Variants in CLOCK observed in about 807,000 individuals in gnomAD.
CLOCK encodes circadian locomoter output cycles protein kaput.
In CLOCK, 43 loss-of-function variants were observed where a neutral mutation model predicts 118.4. The observed-to-expected ratio is 0.36, with a 90% confidence interval of 0.28 to 0.47. CLOCK has a LOEUF of 0.47. Ranked by LOEUF, CLOCK falls within the 20% of genes least tolerant of loss-of-function variation. The pLI is 1.00. For missense variants in CLOCK, 846 were observed against 999.9 expected (o/e 0.85, Z 2.08); for synonymous variants, 326 against 339.2 (o/e 0.96, Z 0.43).
At chr4:55,445,776 T>G (rs945568652) in intron 18 of CLOCK, among the ~76,000 whole-genome samples, 2 of 151,040 alleles carry the variant, frequency 1.3e-5, no homozygotes, top group African/African-American at 4.9e-5. Flanking sequence ...TGTATTTTCT[T>G]GTAAAAATAG....
chr4:55,511,031 G>T (rs929993243), intron 1 of CLOCK, among the ~76,000 whole-genome samples: 2 of 152,166 alleles, frequency 1.3e-5, no homozygotes, highest in African/African-American at 4.8e-5. Flanking sequence ...AGGAATTTCA[G>T]GGGACCTTTG....
chr4:55,439,471 T>G (rs1222777135), intron 21 of CLOCK, among the ~76,000 whole-genome samples: 1 of 152,116 alleles, frequency 6.6e-6, no homozygotes, highest in Non-Finnish European at 1.5e-5. Context: ...CTCAAAAAAT[T>G]CACTATAGGA....
At chr4:55,448,321 A>G (rs1229166033) in intron 18 of CLOCK, among the ~76,000 whole-genome samples, 1 of 152,176 alleles carries the variant, frequency 6.6e-6, no homozygotes, top group Non-Finnish European at 1.5e-5. Flanking sequence ...TCATAGGAGG[A>G]ACAAAATGAA....
chr4:55,442,709 TTCTAACAA>T, intron 20 of CLOCK, 75 bp from the exon 21 acceptor site: 1 of 1,255,064 alleles, frequency 8.0e-7, no homozygotes, highest in Non-Finnish European at 1.1e-6. Flanking sequence ...GAATTCATCA[TTCTAACAA>T]TATGACAATA....
At chr4:55,479,989 T>G (rs1031003419) in intron 4 of CLOCK, among the ~76,000 whole-genome samples, 1 of 152,194 alleles carries the variant, frequency 6.6e-6, no homozygotes, top group African/African-American at 2.4e-5. Flanking sequence ...TTCAAACTTT[T>G]AGTAACGGTA....
chr4:55,527,904 G>A (rs144819913), intron 1 of CLOCK, among the ~76,000 whole-genome samples: 2 of 152,026 alleles, frequency 1.3e-5, no homozygotes, highest in African/African-American at 4.8e-5. Context: ...AATTAGCTGG[G>A]CATAGTGGCA....
At position 55,487,909 on chromosome 4, in the gene CLOCK, G is replaced by A. The variant is rs141768389; in HGVS notation, c.-44+1465C>T. 2.6e-3 allele frequency among the ~76,000 whole-genome samples: 400 copies of A among 152,252 alleles called. 2 individuals carry two copies. The highest frequency in any genetic ancestry group is 9.2e-3 in the African/African-American group (382 of 41,546). ...GTTTCTTCTCCATTCTCTCTGTCCT[G>A]TTATGTCTTTCGTAAAAATCTTCTT... On this transcript the variant is annotated intron_variant, in intron 3 of 22. Coordinates refer to ENST00000513440, the MANE Select transcript of CLOCK (RefSeq NM_004898.4).
rs1240008967 is a variant in CLOCK at position 55,449,492 on chromosome 4, T to C, written c.1353A>G (p.Thr451=). The C allele has an allele frequency of 6.2e-7, 1 of 1,613,990 alleles. No homozygotes were observed. The highest frequency in any genetic ancestry group is 1.7e-5 in the Admixed American group (1 of 60,024). Residue 451 remains threonine (T), a synonymous_variant, in exon 17 of 23, where the codon ACA becomes ACG. Coordinates refer to ENST00000513440, the MANE Select transcript of CLOCK (RefSeq NM_004898.4). ...SHTAVSDPSS[T]PTKIPTDTST... is the part of the protein sequence containing the mutation. ...TCGTATCCGTCGGGATCTTGGTTGGTGTTGCTGAAGTCAACAAAATCAGAA... is the reference window on the plus strand; with the variant it reads ...TCGTATCCGTCGGGATCTTGGTTGGCGTTGCTGAAGTCAACAAAATCAGAA...
Position 55,440,084 on chromosome 4 carries a change from G to C in CLOCK, c.2106-1547C>G, listed in dbSNP as rs183724329. ...AAATTACTAGGTACTAGGGGTGTCAGATATATGTGGCACATGATTCATCTG... is the reference window on the plus strand; with the variant it reads ...AAATTACTAGGTACTAGGGGTGTCACATATATGTGGCACATGATTCATCTG... On this transcript the variant is annotated intron_variant, in intron 21 of 22. Transcript: ENST00000513440. Among the ~76,000 whole-genome samples the C allele has an allele frequency of 6.2e-4, 95 of 152,110 alleles. 1 individual carries two copies. The highest frequency in any genetic ancestry group is 1.2e-3 in the Admixed American group (18 of 15,282).
At chr4:55,515,161 G>A (rs796916500) in intron 1 of CLOCK, among the ~76,000 whole-genome samples, 5 of 152,094 alleles carry the variant, frequency 3.3e-5, no homozygotes, top group African/African-American at 1.2e-4. Context: ...TATCAAATTC[G>A]TGGGCACAGA....
intron 1 of CLOCK, among the ~76,000 whole-genome samples, chr4:55,525,468 T>C (rs1183022793): frequency 1.3e-5 from 2 of 152,064 alleles, no homozygotes; most frequent in Non-Finnish European, 2.9e-5. Flanking sequence ...GAGCAAGACC[T>C]TGTCTCTAAA....
intron 1 of CLOCK, among the ~76,000 whole-genome samples, chr4:55,535,434 G>C (rs7659095): frequency 2.6e-5 from 4 of 152,048 alleles, no homozygotes; most frequent in South Asian, 4.1e-4. Flanking sequence ...GCGCCAGCTA[G>C]AGTGGCTCAT....
chr4:55,461,855 C>T (rs1287612753), intron 9 of CLOCK, among the ~76,000 whole-genome samples: 1 of 152,174 alleles, frequency 6.6e-6, no homozygotes, highest in Admixed American at 6.5e-5. Context: ...CCTTCACTGG[C>T]TCTCTACTCT....
intron 1 of CLOCK, among the ~76,000 whole-genome samples, chr4:55,510,274 G>A (rs1435564282): frequency 3.3e-5 from 5 of 152,248 alleles, no homozygotes; most frequent in East Asian, 1.9e-4. Context: ...GAAAAATCAC[G>A]ATGGTGTGAA....
intron 1 of CLOCK, among the ~76,000 whole-genome samples, chr4:55,521,176 T>G (rs541383696): frequency 3.9e-5 from 6 of 152,246 alleles, no homozygotes; most frequent in Non-Finnish European, 8.8e-5. Context: ...ACTACAGTAA[T>G]TTGTGTCCCT....
At chr4:55,522,585 T>C (rs1166198168) in intron 1 of CLOCK, among the ~76,000 whole-genome samples, 1 of 151,192 alleles carries the variant, frequency 6.6e-6, no homozygotes, top group African/African-American at 2.4e-5. Context: ...GTTGGAAAAA[T>C]AGGTAACTTA....
At chr4:55,527,937 T>C (rs1730310497) in intron 1 of CLOCK, among the ~76,000 whole-genome samples, 1 of 151,962 alleles carries the variant, frequency 6.6e-6, no homozygotes, top group Non-Finnish European at 1.5e-5. Context: ...CTCAGTACTT[T>C]TGGAAGACCA....
intron 1 of CLOCK, among the ~76,000 whole-genome samples, chr4:55,541,997 G>A (rs1469144721): frequency 1.3e-5 from 2 of 148,822 alleles, no homozygotes; most frequent in African/African-American, 4.9e-5. Context: ...TACAAATGTT[G>A]TATGTAATTT....
At position 55,433,475 on chromosome 4, in the gene CLOCK, T is replaced by G. The variant is rs989887863; in HGVS notation, c.*1940A>C. 6.6e-6 allele frequency: 1 copy of G among 152,344 alleles called. No homozygotes were observed. Among genetic ancestry groups the G allele is most frequent in the Non-Finnish European group, 1.5e-5 (1 of 68,012 alleles). The allele number at this position is 152,344 out of a possible 1,614,324, so 9.4% of individuals were successfully genotyped here. On this transcript the variant is annotated 3_prime_UTR_variant, in exon 23 of 23. Coordinates refer to ENST00000513440, the MANE Select transcript of CLOCK (RefSeq NM_004898.4). ...AGCAAAGCAGAGGACAGAGAAGTCT[T>G]AAGAACTGGCTTAGCATTCCCCTGA...
Sources: gnomAD v4.1 joint callset for allele counts (sites outside exome capture counted in the v4.1 genomes callset) on GRCh38, gnomAD v4.1.1 for gene constraint, MANE v1.5 for transcripts, NCBI Gene and HGNC (gene_info 2026-07-23, HGNC 2026-07-21) for gene names.